Variants in MTMR7 observed in about 807,000 individuals in gnomAD.
The protein encoded by MTMR7 is phosphatidylinositol-3-phosphate phosphatase MTMR7.
Under a neutral mutation model 81.2 loss-of-function variants are expected in MTMR7, and 76 were observed. That is an observed-to-expected ratio of 0.94 (90% confidence interval 0.78 to 1.13). The LOEUF (loss-of-function observed/expected upper bound fraction) is 1.13, where lower values mean the gene tolerates loss of function less well. MTMR7 is among the 50% of genes most tolerant of loss of function. The probability of loss-of-function intolerance (pLI) is 0.00; values close to 1 mark genes in which losing one functional copy is unlikely to be tolerated. For missense variants in MTMR7, 1,044 were observed against 820.0 expected (o/e 1.27, Z -3.34); for synonymous variants, 372 against 289.8 (o/e 1.28, Z -2.88).
chr8:17,361,081 T>A, intron 4 of MTMR7, 36 bp downstream of exon 4: 1 of 1,611,048 alleles, frequency 6.2e-7, no homozygotes, highest in Non-Finnish European at 8.5e-7. Context: ...AACCCTAATT[T>A]CATGCGGCTT....
intron 1 of MTMR7, among the ~76,000 whole-genome samples, chr8:17,409,072 C>T (rs1037578195): frequency 6.6e-6 from 1 of 152,154 alleles, no homozygotes; most frequent in Non-Finnish European, 1.5e-5. Context: ...ATATTTCACA[C>T]TAATACTATA....
At chr8:17,321,355 G>A (rs1818380594) in intron 7 of MTMR7, among the ~76,000 whole-genome samples, 1 of 152,274 alleles carries the variant, frequency 6.6e-6, no homozygotes, top group South Asian at 2.1e-4. Context: ...AGGCTGCTGT[G>A]GCTCTCACCA....
rs1228735743 is a variant in MTMR7 at position 17,297,726 on chromosome 8, CTTG to C, written c.*2133_*2135del. On this transcript the variant is annotated 3_prime_UTR_variant, in exon 14 of 14. Transcript: ENST00000180173. The stretch of plus-strand genomic sequence containing the variant: ...ATGTTTGATTATTAGATATTTTAGT[CTTG>C]TTGGGGATATTTTAGTCTTGTTGGG... 7.8e-6 allele frequency: 1 copy of C among 128,796 alleles called. No homozygotes were observed. The highest frequency in any genetic ancestry group is 1.8e-5 in the Non-Finnish European group (1 of 55,016). The allele number at this position is 128,796 out of a possible 1,614,324, so 8.0% of individuals were successfully genotyped here. A position where few individuals can be genotyped will look rare whatever the true frequency, so the allele number is the denominator to read the frequency against.
rs1021522420 is a variant in MTMR7 at position 17,297,456 on chromosome 8, AG to A, written c.*2405del. 6.7e-5 allele frequency: 10 copies of A among 148,648 alleles called. No individual in the cohort carries two copies. Among genetic ancestry groups the A allele is most frequent in the Admixed American group, 4.7e-4 (7 of 15,048 alleles). 9.2% of individuals were successfully genotyped at this position (148,648 alleles called of 1,614,324 possible). A position where few individuals can be genotyped will look rare whatever the true frequency, so the allele number is the denominator to read the frequency against. On this transcript the variant is annotated 3_prime_UTR_variant, in exon 14 of 14. Coordinates refer to ENST00000180173, the MANE Select transcript of MTMR7 (RefSeq NM_004686.5). ...AGAAAGTAAACTAATGTGCTCTTAA[AG>A]AATAAAAATTTATTCTATGGTTTCT...
At chr8:17,341,746 G>T (rs565666304) in intron 5 of MTMR7, among the ~76,000 whole-genome samples, 1 of 152,282 alleles carries the variant, frequency 6.6e-6, no homozygotes, top group South Asian at 2.1e-4. Flanking sequence ...TTTAGATAGG[G>T]TCTAAGTTAT....
At chr8:17,308,187 G>A (rs1817587383) in intron 10 of MTMR7, among the ~76,000 whole-genome samples, 1 of 151,820 alleles carries the variant, frequency 6.6e-6, no homozygotes, top group Non-Finnish European at 1.5e-5. Context: ...AAAAAAAAAG[G>A]TTGCCTAATA....
chr8:17,383,996 G>A (rs1820845845), intron 1 of MTMR7, among the ~76,000 whole-genome samples: 1 of 152,042 alleles, frequency 6.6e-6, no homozygotes, highest in Admixed American at 6.5e-5. Flanking sequence ...TCTGTATAAT[G>A]GTTGCTAAAA....
At chr8:17,326,125 C>T (rs139252833) in intron 7 of MTMR7, among the ~76,000 whole-genome samples, 3 of 152,278 alleles carry the variant, frequency 2.0e-5, no homozygotes, top group South Asian at 4.1e-4. Context: ...CACACTGAGG[C>T]CAGGGCACCT....
chr8:17,400,271 G>C (rs73666137), intron 1 of MTMR7, among the ~76,000 whole-genome samples: 2 of 152,122 alleles, frequency 1.3e-5, no homozygotes, highest in African/African-American at 4.8e-5. Context: ...TTATTAAGAC[G>C]CTTAGACCTC....
chr8:17,339,752 G>C, intron 6 of MTMR7, among the ~76,000 whole-genome samples: 2 of 152,138 alleles, frequency 1.3e-5, no homozygotes, highest in Admixed American at 1.3e-4. Flanking sequence ...ATTTCTCTTG[G>C]TTATATACCT....
chr8:17,393,284 ATCAAAGACC>A (rs1487083689), intron 1 of MTMR7, among the ~76,000 whole-genome samples: 2 of 152,186 alleles, frequency 1.3e-5, no homozygotes, highest in Non-Finnish European at 2.9e-5. Flanking sequence ...CTCAACATAG[ATCAAAGACC>A]TAAACAGTGT....
At chr8:17,353,312 G>T (rs180960806) in intron 4 of MTMR7, among the ~76,000 whole-genome samples, 29 of 152,150 alleles carry the variant, frequency 1.9e-4, no homozygotes, top group Admixed American at 1.4e-3. Flanking sequence ...GTTGTTTAAT[G>T]GGTATAGAGT....
chr8:17,362,342 T>C (rs1051679407), intron 3 of MTMR7, among the ~76,000 whole-genome samples: 1 of 152,220 alleles, frequency 6.6e-6, no homozygotes, highest in African/African-American at 2.4e-5. Context: ...CAGCTATCTG[T>C]GGCCAGTGGC....
chr8:17,329,713 T>A (rs1293280087), intron 7 of MTMR7, among the ~76,000 whole-genome samples: 2 of 152,310 alleles, frequency 1.3e-5, no homozygotes, highest in East Asian at 1.9e-4. Flanking sequence ...GCCTTTCCAA[T>A]AACAGTACCA....
chr8:17,383,769 C>T (rs1310082376), intron 1 of MTMR7, among the ~76,000 whole-genome samples: 1 of 151,784 alleles, frequency 6.6e-6, no homozygotes, highest in Non-Finnish European at 1.5e-5. Context: ...GGCAAATCCC[C>T]GAAAGACTCG....
intron 1 of MTMR7, among the ~76,000 whole-genome samples, chr8:17,388,712 A>G (rs1212602613): frequency 2.0e-5 from 3 of 147,876 alleles, no homozygotes; most frequent in African/African-American, 7.3e-5. Flanking sequence ...CTTACTAACC[A>G]AAGGGAGGAG....
At chr8:17,349,923 T>C (rs1370938294) in intron 4 of MTMR7, among the ~76,000 whole-genome samples, 1 of 152,192 alleles carries the variant, frequency 6.6e-6, no homozygotes, top group Non-Finnish European at 1.5e-5. Flanking sequence ...CACGGTGCAC[T>C]GTGGTTTGCT....
chr8:17,388,241 C>T (rs1251534292), intron 1 of MTMR7, among the ~76,000 whole-genome samples: 1 of 152,132 alleles, frequency 6.6e-6, no homozygotes, highest in East Asian at 1.9e-4. Flanking sequence ...AGCAAAGTCC[C>T]AGGATTTATT....
intron 7 of MTMR7, among the ~76,000 whole-genome samples, chr8:17,315,289 G>C (rs1818004737): frequency 6.6e-6 from 1 of 152,098 alleles, no homozygotes; most frequent in African/African-American, 2.4e-5. Context: ...TCCTAGAAAA[G>C]GCAAAACTAC....
Sources: allele counts gnomAD v4.1 joint callset (sites outside exome capture counted in the v4.1 genomes callset), GRCh38; gene constraint gnomAD v4.1.1; transcripts MANE v1.5; gene names NCBI Gene and HGNC (gene_info 2026-07-23, HGNC 2026-07-21).